Variants in BMP1 observed in about 807,000 individuals in gnomAD.
The protein encoded by BMP1 is bone morphogenetic protein 1, also known as mammalian tolloid protein.
A neutral mutation model predicts 116.8 loss-of-function variants in BMP1; 63 were observed. That is an observed-to-expected ratio of 0.54 (90% CI 0.44 to 0.67). The LOEUF is 0.67. BMP1 is among the 30% of genes least tolerant of loss of function. BMP1 has a pLI of 0.00. For missense variants in BMP1, 1,183 were observed against 1,358.9 expected (o/e 0.87, Z 2.04); for synonymous variants, 536 against 533.4 (o/e 1.00, Z -0.07).
intron 6 of BMP1, among the ~76,000 whole-genome samples, chr8:22,178,209 C>T (rs906142637): frequency 1.3e-5 from 2 of 152,256 alleles, no homozygotes; most frequent in East Asian, 3.8e-4. Flanking sequence ...TGAACCCAGC[C>T]ACTCTGCAAG....
At chr8:22,191,733 C>G (rs1388326651) in intron 8 of BMP1, among the ~76,000 whole-genome samples, 1 of 152,254 alleles carries the variant, frequency 6.6e-6, no homozygotes, top group Non-Finnish European at 1.5e-5. Flanking sequence ...GCCCTTCCTA[C>G]CACTGTAGAG....
intron 16 of BMP1, among the ~76,000 whole-genome samples, chr8:22,202,261 AG>A: frequency 6.6e-6 from 1 of 152,298 alleles, no homozygotes; most frequent in Non-Finnish European, 1.5e-5. Context: ...AGTGGGTAAG[AG>A]CACAGCCTCC....
intron 14 of BMP1, 56 bp downstream of exon 14, chr8:22,196,896 A>C (rs1829109517): frequency 6.4e-7 from 1 of 1,558,156 alleles, no homozygotes. Context: ...GTGGGCATTC[A>C]GCTCAGTGCC....
At chr8:22,204,919 T>C (rs10107545) in intron 16 of BMP1, among the ~76,000 whole-genome samples, 4,857 of 152,042 alleles carry the variant, frequency 0.032, 234 homozygotes, top group African/African-American at 0.1. Context: ...TCTTTCAGGA[T>C]GTGTGAAGGT....
intron 13 of BMP1, chr8:22,196,414 C>G: frequency 5.0e-6 from 3 of 601,420 alleles, no homozygotes; most frequent in South Asian, 1.9e-5. Context: ...CTTGGAGGAC[C>G]TTGGCCTGTT....
chr8:22,198,240 C>G (rs1829147897), intron 15 of BMP1, among the ~76,000 whole-genome samples: 1 of 152,218 alleles, frequency 6.6e-6, no homozygotes, highest in Admixed American at 6.5e-5. Flanking sequence ...CTCCCCTGAA[C>G]CGGTGGGCGG....
intron 15 of BMP1, among the ~76,000 whole-genome samples, chr8:22,200,599 C>T (rs1215749871): frequency 2.6e-5 from 4 of 152,060 alleles, no homozygotes; most frequent in African/African-American, 4.8e-5. Flanking sequence ...TAGTGTGTAC[C>T]GTGTGCACAT....
At chr8:22,208,835 C>G (rs985328648) in intron 18 of BMP1, among the ~76,000 whole-genome samples, 21 of 152,198 alleles carry the variant, frequency 1.4e-4, no homozygotes, top group African/African-American at 5.1e-4. Context: ...CCAGCCCCGT[C>G]CTTCCCTCTC....
At chr8:22,181,738 C>G (rs529958585) in intron 8 of BMP1, among the ~76,000 whole-genome samples, 5 of 152,016 alleles carry the variant, frequency 3.3e-5, no homozygotes, top group African/African-American at 1.2e-4. Context: ...TATTTTTGGT[C>G]GAGACAGGGT....
intron 16 of BMP1, among the ~76,000 whole-genome samples, chr8:22,203,804 G>A (rs1252453290): frequency 6.6e-6 from 1 of 152,186 alleles, no homozygotes; most frequent in African/African-American, 2.4e-5. Flanking sequence ...CAGTTCCTGA[G>A]TCATGGAACT....
rs2131883199 is a variant in BMP1, at chr8:22,194,575, A to G, written c.1428A>G (p.Thr476=). 1.9e-6 allele frequency: 3 copies of G among 1,614,094 alleles called. No individual in the cohort carries two copies. Among genetic ancestry groups the G allele is most frequent in the Non-Finnish European group, 2.5e-6 (3 of 1,180,006 alleles). Residue 476 remains threonine (T), a synonymous_variant, in exon 11 of 20, where the codon ACA becomes ACG. Coordinates refer to ENST00000306385, the MANE Select transcript of BMP1 (RefSeq NM_006129.5). The surrounding 1 kb of genome is among the most constrained non-coding windows in gnomAD (Gnocchi z 4.5). Reference sequence around the variant, plus strand: ...CTGAGGGCTTCCACGTGGGCCTCACATTCCAGTCCTTTGAGGTAGGTCAGT... The same window carrying G: ...CTGAGGGCTTCCACGTGGGCCTCACGTTCCAGTCCTTTGAGGTAGGTCAGT... ...QVSEGFHVGL[T]FQSFEIERHD... is the part of the protein sequence containing the mutation.
intron 1 of BMP1, 145 bp from the exon 2 acceptor site, chr8:22,173,457 C>G (rs1028913737): frequency 1.4e-5 from 8 of 562,340 alleles, no homozygotes; most frequent in Admixed American, 3.4e-5. Flanking sequence ...AACTGCCCTT[C>G]TCCTTCTCGT....
intron 15 of BMP1, chr8:22,201,068 C>A (rs750834020): frequency 1.3e-6 from 2 of 1,492,064 alleles, no homozygotes; most frequent in Non-Finnish European, 1.8e-6. Flanking sequence ...TGGTCCCTGC[C>A]CTCCACCCCC....
In BMP1 at chr8:22,165,569, C is replaced by A. The variant is rs1013150486; in HGVS notation, c.148+16C>A. On this transcript the variant is annotated intron_variant, in intron 1 of 19. Transcript: ENST00000306385. ...TGCAAGGCGGGTGAGCGCCCCCCGG[C>A]CCCCCGGCGACGGGCCAGGCGGGGA... The A allele has an allele frequency of 3.2e-6, 5 of 1,568,692 alleles. No individual in the cohort carries two copies. The highest frequency in any genetic ancestry group is 4.3e-6 in the Non-Finnish European group (5 of 1,161,564).
In BMP1 at chr8:22,173,633, A is replaced by G. The variant is rs1208346874; in HGVS notation, c.180A>G (p.Glu60=). ...TTCTTGGGGACATTGCCCTGGACGA[A>G]GAGGACCTGAGGGCCTTCCAGGTAC... is the stretch of plus-strand genomic sequence containing the variant. ...AAFLGDIALD[E]EDLRAFQVQQ... is the part of the protein sequence containing the mutation. Residue 60 remains glutamate, a synonymous_variant, in exon 2 of 20, where the codon GAA becomes GAG. Transcript: ENST00000306385. 6 of 1,613,436 alleles carry G rather than the reference A, an allele frequency of 3.7e-6. No homozygotes were observed. The highest frequency in any genetic ancestry group is 1.7e-5 in the Admixed American group (1 of 59,886).
Position 22,206,975 on chromosome 8 carries a change from C to T in BMP1, c.2355C>T (p.Val785=), listed in dbSNP as rs1829371711. The change falls in exon 17 of 20, where the codon GTC becomes GTT. Residue 785 remains valine (V), a synonymous_variant. Transcript: ENST00000306385. The stretch of plus-strand genomic sequence containing the variant: ...TCTCCAGCACCCCCGGGCACCGGGT[C>T]AAGCTGGTAAGGGGTCCCCTCCCCA... The part of the protein sequence containing the change: ...WAISSTPGHR[V]KLTFMEMDIE... 1 of 1,614,024 alleles carries T rather than the reference C, an allele frequency of 6.2e-7. No individual in the cohort carries two copies. The highest frequency in any genetic ancestry group is 8.5e-7 in the Non-Finnish European group (1 of 1,180,016).
chr8:22,173,817 G>A, intron 2 of BMP1, 102 bp downstream of exon 2: 1 of 885,732 alleles, frequency 1.1e-6, no homozygotes, highest in South Asian at 1.9e-5. Flanking sequence ...CCAGGACAGA[G>A]GCCATGAGTT....
At chr8:22,187,084 G>A (rs113859493) in intron 8 of BMP1, among the ~76,000 whole-genome samples, 1 of 150,166 alleles carries the variant, frequency 6.7e-6, no homozygotes, top group Non-Finnish European at 1.5e-5. Context: ...TCTGCATCTC[G>A]GGTTCAAGTG....
chr8:22,188,662 G>C (rs1463620151), intron 8 of BMP1, among the ~76,000 whole-genome samples: 2 of 152,200 alleles, frequency 1.3e-5, no homozygotes, highest in Non-Finnish European at 2.9e-5. Context: ...TCTCAGTATA[G>C]CCATCACTGG....
Sources: allele counts gnomAD v4.1 joint callset (sites outside exome capture counted in the v4.1 genomes callset), GRCh38; gene constraint gnomAD v4.1.1; non-coding constraint Gnocchi (gnomAD v3.1); transcripts MANE v1.5; gene names NCBI Gene and HGNC (gene_info 2026-07-23, HGNC 2026-07-21).